PRIMPOL: variants seen among roughly 807,000 people sequenced by gnomAD.
PRIMPOL encodes primase and DNA directed polymerase, also known as DNA-directed primase/polymerase protein.
PRIMPOL carries 54 observed loss-of-function variants against 63.6 expected under a neutral mutation model. The observed-to-expected ratio is 0.85, with a 90% CI of 0.68 to 1.07. The LOEUF is 1.07. Ranked by LOEUF, PRIMPOL falls within the 50% of genes least tolerant of loss-of-function variation. PRIMPOL has a pLI of 0.00. For synonymous variants in PRIMPOL, 197 were observed against 220.2 expected (o/e 0.89, Z 0.93); for missense variants, 610 against 648.3 (o/e 0.94, Z 0.64).
intron 11 of PRIMPOL, among the ~76,000 whole-genome samples, chr4:184,687,529 T>C (rs1363897270): frequency 6.6e-6 from 1 of 152,240 alleles, no homozygotes; most frequent in African/African-American, 2.4e-5. Flanking sequence ...GTAGCCAGTA[T>C]CCCGATTTTG....
chr4:184,683,073 C>T (rs1014226788), intron 9 of PRIMPOL, among the ~76,000 whole-genome samples: 1 of 151,582 alleles, frequency 6.6e-6, no homozygotes. Context: ...ATCAATTAAT[C>T]AATCAGTAAT....
chr4:184,655,893 C>T (rs1015935470), intron 2 of PRIMPOL, among the ~76,000 whole-genome samples: 14 of 152,088 alleles, frequency 9.2e-5, no homozygotes, highest in Admixed American at 5.2e-4. Flanking sequence ...TATTAATTAC[C>T]TATTTCTATG....
chr4:184,690,617 G>T (rs960096624), intron 11 of PRIMPOL, among the ~76,000 whole-genome samples: 1 of 152,002 alleles, frequency 6.6e-6, no homozygotes, highest in South Asian at 2.1e-4. Context: ...CCCCCACCAC[G>T]CCCAGCTAAT....
At chr4:184,670,657 T>G (rs533962487) in intron 6 of PRIMPOL, among the ~76,000 whole-genome samples, 6 of 151,588 alleles carry the variant, frequency 4.0e-5, no homozygotes, top group Non-Finnish European at 7.4e-5. Flanking sequence ...CAAGCAATTC[T>G]CTTGCCTCAG....
chr4:184,671,902 T>TG (rs1561001707), intron 6 of PRIMPOL, among the ~76,000 whole-genome samples: 3 of 151,070 alleles, frequency 2.0e-5, no homozygotes, highest in Non-Finnish European at 2.9e-5. Flanking sequence ...CACCACGCCC[T>TG]GCTAATTTTT....
chr4:184,663,986 C>T (rs1749103831), intron 5 of PRIMPOL, among the ~76,000 whole-genome samples: 2 of 152,184 alleles, frequency 1.3e-5, no homozygotes, highest in South Asian at 4.1e-4. Flanking sequence ...AGTGGCTAAA[C>T]TGACACATTT....
chr4:184,679,405 A>G (rs576997315), intron 8 of PRIMPOL, among the ~76,000 whole-genome samples: 1 of 152,298 alleles, frequency 6.6e-6, no homozygotes. Flanking sequence ...GCAGTGAGCT[A>G]TGAATGCACC....
At chr4:184,673,822 C>T (rs746104090) in intron 7 of PRIMPOL, among the ~76,000 whole-genome samples, 7 of 152,110 alleles carry the variant, frequency 4.6e-5, no homozygotes, top group Non-Finnish European at 8.8e-5. Flanking sequence ...GATTCCCAGG[C>T]CAACAGTGGT....
In PRIMPOL at chr4:184,657,340, C is replaced by G; in HGVS notation, c.180+20C>G. On this transcript the variant is annotated intron_variant, in intron 3 of 13. Coordinates refer to ENST00000314970, the MANE Select transcript of PRIMPOL (RefSeq NM_152683.4). The stretch of plus-strand genomic sequence containing the variant: ...AAAGAAGTAATTTCCTCCTCCTCCT[C>G]TTCTTCTTCCTCCTCTTCCACTTCC... The G allele has an allele frequency of 6.5e-7, 1 of 1,545,946 alleles. No individual in the cohort carries two copies. The highest frequency in any genetic ancestry group is 8.8e-7 in the Non-Finnish European group (1 of 1,130,774).
At chr4:184,684,184 ACGGTGG>A (rs1756387884) in intron 9 of PRIMPOL, among the ~76,000 whole-genome samples, 1 of 152,128 alleles carries the variant, frequency 6.6e-6, no homozygotes, top group African/African-American at 2.4e-5. Flanking sequence ...CTGGCTGGGT[ACGGTGG>A]CTCACGCCTG....
chr4:184,694,462 A>G, intron 13 of PRIMPOL, 60 bp from the exon 14 acceptor site: 1 of 1,565,306 alleles, frequency 6.4e-7, no homozygotes, highest in Non-Finnish European at 8.7e-7. Context: ...AGGTTAAATC[A>G]CATATCCTGA....
At position 184,651,292 on chromosome 4, in the gene PRIMPOL, A is replaced by G. The variant is rs866461116; in HGVS notation, c.-137-731A>G. Among the ~76,000 whole-genome samples the G allele has an allele frequency of 2.0e-5, 3 of 151,894 alleles. 1 individual carries two copies. Among genetic ancestry groups the G allele is most frequent in the African/African-American group, 4.9e-5 (2 of 41,198 alleles). ...GGCAACAGAGCAAGACTCTGTCTCA[A>G]AAAAAAGAAAAAAAAGGGGTTAAGT... On this transcript the variant is annotated intron_variant, in intron 1 of 13. Coordinates refer to ENST00000314970, the MANE Select transcript of PRIMPOL (RefSeq NM_152683.4).
intron 13 of PRIMPOL, among the ~76,000 whole-genome samples, chr4:184,692,116 T>C (rs908183247): frequency 3.4e-4 from 51 of 152,154 alleles, no homozygotes; most frequent in Middle Eastern, 3.2e-3. Flanking sequence ...CAAACCAACA[T>C]TTTTCTCTTA....
At chr4:184,662,317 G>C (rs1197241330) in intron 5 of PRIMPOL, among the ~76,000 whole-genome samples, 1 of 152,158 alleles carries the variant, frequency 6.6e-6, no homozygotes, top group Admixed American at 6.5e-5. Context: ...TTTCAAGCTT[G>C]CAGGAATTTT....
intron 3 of PRIMPOL, 32 bp from the exon 4 acceptor site, chr4:184,659,308 A>AT (rs1379238898): frequency 6.4e-7 from 1 of 1,556,978 alleles, no homozygotes; most frequent in African/African-American, 1.4e-5. Flanking sequence ...CATTTTGTGA[A>AT]TTTTTCTGAA....
At chr4:184,664,194 C>G (rs1244490517) in intron 5 of PRIMPOL, among the ~76,000 whole-genome samples, 1 of 152,132 alleles carries the variant, frequency 6.6e-6, no homozygotes, top group East Asian at 1.9e-4. Flanking sequence ...CTTGTCCTAC[C>G]TAAAGCATCA....
intron 7 of PRIMPOL, among the ~76,000 whole-genome samples, chr4:184,677,440 G>A (rs28799091): frequency 0.17 from 25,424 of 152,084 alleles, 2,439 homozygotes; most frequent in African/African-American, 0.26. Flanking sequence ...GTGGCTATAT[G>A]TATTTTGATC....
intron 6 of PRIMPOL, among the ~76,000 whole-genome samples, chr4:184,670,228 C>T (rs1248263758): frequency 6.6e-6 from 1 of 152,182 alleles, no homozygotes. Flanking sequence ...GCCAGGGTTC[C>T]AAGACCTGTG....
chr4:184,671,735 T>C lies in PRIMPOL; in HGVS notation c.557-438T>C, dbSNP rs1348780206. On this transcript the variant is annotated intron_variant, in intron 6 of 13. Coordinates refer to ENST00000314970, the MANE Select transcript of PRIMPOL (RefSeq NM_152683.4). The stretch of plus-strand genomic sequence containing the variant: ...GTGGCATATAACAATTTATAGCGAC[T>C]CGGTTTTTTTTTTTTTTTTTTTGGT... 4.6e-5 allele frequency among the ~76,000 whole-genome samples: 6 copies of C among 129,962 alleles called. No homozygotes were observed. In the East Asian group the frequency reaches 1.5e-3, roughly 33 times the overall value. 85.3% of individuals were successfully genotyped at this position (129,962 alleles called of 152,430 possible).
Sources: allele counts gnomAD v4.1 joint callset (sites outside exome capture counted in the v4.1 genomes callset), GRCh38; gene constraint gnomAD v4.1.1; transcripts MANE v1.5; gene names NCBI Gene and HGNC (gene_info 2026-07-23, HGNC 2026-07-21).